Variants in ALKBH1 observed in about 807,000 individuals in gnomAD.
ALKBH1 encodes nucleic acid dioxygenase ALKBH1.
ALKBH1 carries 31 observed loss-of-function variants against 36.6 expected under a neutral mutation model. The ratio of observed to expected loss-of-function variants is 0.85; its 90% confidence interval spans 0.64 to 1.14. The LOEUF is 1.14. Ranked by LOEUF, ALKBH1 falls within the 50% of genes most tolerant of loss-of-function variation. The pLI, the probability that ALKBH1 is intolerant of heterozygous loss-of-function variation, is 0.00. For missense variants in ALKBH1, 490 were observed against 497.3 expected (o/e 0.99, Z 0.14); for synonymous variants, 183 against 186.6 (o/e 0.98, Z 0.16).
chr14:77,678,087 C>CAAAAAAAAAAAAAAAAAAAAAAAAA (rs11440428), intron 4 of ALKBH1, among the ~76,000 whole-genome samples: 2 of 55,080 alleles, frequency 3.6e-5, no homozygotes, highest in Non-Finnish European at 6.3e-5. Flanking sequence ...ATATTATCAC[C>CAAAAAAAAAAAAAAAAAAAAAAAAA]AAAAAAAAAA....
intron 2 of ALKBH1, among the ~76,000 whole-genome samples, chr14:77,695,922 G>T (rs538208923): frequency 2.6e-5 from 4 of 151,868 alleles, no homozygotes; most frequent in South Asian, 2.1e-4. Flanking sequence ...TGGTGAAACC[G>T]TCTGTACTAA....
At chr14:77,689,295 A>C (rs1301581292) in intron 3 of ALKBH1, among the ~76,000 whole-genome samples, 1 of 152,170 alleles carries the variant, frequency 6.6e-6, no homozygotes, top group Admixed American at 6.6e-5. Flanking sequence ...TCAAGTATAC[A>C]TGCTTTGGTA....
chr14:77,691,212 G>A (rs546050064), intron 3 of ALKBH1, among the ~76,000 whole-genome samples: 44 of 152,320 alleles, frequency 2.9e-4, no homozygotes, highest in African/African-American at 9.1e-4. Flanking sequence ...TTAAGTTCAA[G>A]TATTTTTTTT....
chr14:77,693,698 T>C (rs1337778430), intron 3 of ALKBH1, among the ~76,000 whole-genome samples: 1 of 152,100 alleles, frequency 6.6e-6, no homozygotes, highest in East Asian at 1.9e-4. Context: ...AAAAAAATCA[T>C]TTTTTCAGGC....
chr14:77,684,674 A>G (rs1212155300), intron 3 of ALKBH1, among the ~76,000 whole-genome samples: 1 of 152,188 alleles, frequency 6.6e-6, no homozygotes. Flanking sequence ...CAGCCTCTTG[A>G]GTAGCTAGAA....
chr14:77,700,612 A>G (rs1484547470), intron 2 of ALKBH1, among the ~76,000 whole-genome samples: 1 of 152,198 alleles, frequency 6.6e-6, no homozygotes. Flanking sequence ...AAACCCCCCA[A>G]CAACCTACCA....
At chr14:77,680,227 A>T (rs1227682505) in intron 3 of ALKBH1, among the ~76,000 whole-genome samples, 1 of 126,212 alleles carries the variant, frequency 7.9e-6, no homozygotes, top group African/African-American at 2.6e-5. Flanking sequence ...AGCCTCCAGC[A>T]TCTTGGTAAT....
At position 77,674,034 on chromosome 14, in the gene ALKBH1, ATC is replaced by A; in HGVS notation, c.946_947del (p.Asp316PhefsTer24). The A allele has an allele frequency of 6.2e-7, 1 of 1,614,178 alleles. No homozygotes were observed. Among genetic ancestry groups the A allele is most frequent in the Non-Finnish European group, 8.5e-7 (1 of 1,180,038 alleles). ...EAPLPAVLPR[D>X]SMVEPCSMED... is the part of the protein sequence containing the mutation. ...CCATAGAACAAGGCTCTACCATTGA[ATC>A]TCTCGGGAGGACAGCAGGGAGAGGT... On this transcript the variant is annotated frameshift_variant, in exon 6 of 6. Coordinates refer to ENST00000216489, the MANE Select transcript of ALKBH1 (RefSeq NM_006020.3). LOFTEE classifies it high-confidence loss of function.
intron 3 of ALKBH1, chr14:77,683,155 T>A: frequency 4.8e-6 from 1 of 208,756 alleles, no homozygotes; most frequent in Non-Finnish European, 9.5e-6. Context: ...AAGTCTTTTT[T>A]TTTTTTTTTT....
intron 3 of ALKBH1, among the ~76,000 whole-genome samples, chr14:77,680,676 T>A (rs2080232013): frequency 8.4e-6 from 1 of 119,092 alleles, no homozygotes; most frequent in Non-Finnish European, 1.8e-5. Context: ...GATTAACTAC[T>A]CTTTTTTTTT....
In ALKBH1 at chr14:77,680,677, C is replaced by CTCTTTTTTTT. The variant is rs774703181; in HGVS notation, c.456-708_456-707insAAAAAAAAGA. 2.4e-3 allele frequency among the ~76,000 whole-genome samples: 303 copies of CTCTTTTTTTT among 124,286 alleles called. 5 individuals are homozygous for CTCTTTTTTTT. Among genetic ancestry groups the CTCTTTTTTTT allele is most frequent in the African/African-American group, 3.0e-3 (94 of 31,346 alleles). 81.5% of individuals were successfully genotyped at this position (124,286 alleles called of 152,430 possible). A position where few individuals can be genotyped will look rare whatever the true frequency, so the allele number is the denominator to read the frequency against. On this transcript the variant is annotated intron_variant, in intron 3 of 5. Transcript: ENST00000216489. Reference sequence around the variant, plus strand: ...GATCAAATCTATGTGATTAACTACTCTTTTTTTTTTTTTTTTTTTGAGACA... The same window carrying CTCTTTTTTTT: ...GATCAAATCTATGTGATTAACTACTCTCTTTTTTTTTTTTTTTTTTTTTTTTTTTGAGACA...
rs186305811 is a variant in ALKBH1 at position 77,679,696 on chromosome 14, G to A, written c.546+184C>T. 1.1e-3 allele frequency among the ~76,000 whole-genome samples: 172 copies of A among 152,298 alleles called. 1 individual carries two copies. Among genetic ancestry groups the A allele is most frequent in the Admixed American group, 3.1e-3 (48 of 15,288 alleles). ...TCCGCCCACCTCAGCCTCCCAAAGT[G>A]CTGGGATTACAGATGTGAGCCACGG... is the stretch of plus-strand genomic sequence containing the variant. On this transcript the variant is annotated intron_variant, in intron 4 of 5. Transcript: ENST00000216489.
At chr14:77,680,039 CTG>C in intron 3 of ALKBH1, 69 bp from the exon 4 acceptor site, 2 of 1,240,178 alleles carry the variant, frequency 1.6e-6, no homozygotes, top group Non-Finnish European at 2.4e-6. Flanking sequence ...TGTATGGACT[CTG>C]GAGTTAAAAT....
chr14:77,701,231 T>C (rs2139864933), intron 2 of ALKBH1, among the ~76,000 whole-genome samples: 1 of 152,352 alleles, frequency 6.6e-6, no homozygotes, highest in East Asian at 1.9e-4. Context: ...CATTTTTAAG[T>C]GCTTGATAAA....
intron 3 of ALKBH1, among the ~76,000 whole-genome samples, chr14:77,693,708 C>A (rs926056915): frequency 2.6e-5 from 4 of 152,104 alleles, no homozygotes; most frequent in African/African-American, 9.7e-5. Context: ...TTTTTTCAGG[C>A]CGGGCTTGGT....
chr14:77,692,941 T>A (rs2080305973), intron 3 of ALKBH1, among the ~76,000 whole-genome samples: 1 of 151,606 alleles, frequency 6.6e-6, no homozygotes, highest in East Asian at 1.9e-4. Flanking sequence ...GGAAGTGCCT[T>A]ACACCTGTAA....
At chr14:77,705,557 T>C (rs2139868872) in intron 1 of ALKBH1, among the ~76,000 whole-genome samples, 1 of 152,322 alleles carries the variant, frequency 6.6e-6, no homozygotes, top group Non-Finnish European at 1.5e-5. Context: ...AATGTCCAAC[T>C]GACGCTACAA....
intron 3 of ALKBH1, among the ~76,000 whole-genome samples, chr14:77,693,392 C>T (rs1253495318): frequency 6.6e-6 from 1 of 152,038 alleles, no homozygotes; most frequent in East Asian, 1.9e-4. Context: ...TTGAACATAA[C>T]TAAAGTACAA....
In ALKBH1 at chr14:77,704,366, C is replaced by CA. The variant is rs775868783; in HGVS notation, c.292+2dup. 6.2e-7 allele frequency: 1 copy of CA among 1,604,858 alleles called. No individual in the cohort carries two copies. Among genetic ancestry groups the CA allele is most frequent in the Non-Finnish European group, 8.5e-7 (1 of 1,171,584 alleles). On this transcript the variant is annotated splice_region_variant and intron_variant, in intron 2 of 5. Coordinates refer to ENST00000216489, the MANE Select transcript of ALKBH1 (RefSeq NM_006020.3). The stretch of plus-strand genomic sequence containing the variant: ...TGCCTTCTCTGAGGTCAGTTACACT[C>CA]ACCAGGATAGCCTTTGAGTCCATAG...
Sources: gnomAD v4.1 joint callset for allele counts (sites outside exome capture counted in the v4.1 genomes callset) on GRCh38, gnomAD v4.1.1 for gene constraint, MANE v1.5 for transcripts, NCBI Gene and HGNC (gene_info 2026-07-23, HGNC 2026-07-21) for gene names.